NEK10: variants seen among roughly 807,000 people sequenced by gnomAD.
The protein encoded by NEK10 is serine/threonine-protein kinase Nek10.
Under a neutral mutation model 159.8 loss-of-function variants are expected in NEK10, and 122 were observed. The observed-to-expected ratio is 0.76, with a 90% CI of 0.66 to 0.89. NEK10 has a LOEUF of 0.89. NEK10 is among the 40% of genes least tolerant of loss of function. NEK10 has a pLI of 0.00. For missense variants in NEK10, 1,342 were observed against 1,323.1 expected, an observed-to-expected ratio of 1.01 and a Z score of -0.22; for synonymous variants, 466 against 457.1, an observed-to-expected ratio of 1.02 and a Z score of -0.25.
intron 35 of NEK10, 142 bp downstream of exon 35, chr3:27,115,798 G>A: frequency 1.5e-6 from 1 of 654,058 alleles, no homozygotes; most frequent in East Asian, 2.7e-5. Flanking sequence ...GATGTATCTA[G>A]TCTAAGCCAA....
At chr3:27,205,900 C>G (rs113295942) in intron 23 of NEK10, among the ~76,000 whole-genome samples, 81 of 150,352 alleles carry the variant, frequency 5.4e-4, no homozygotes, top group African/African-American at 1.9e-3. Flanking sequence ...GCAAAAGAAA[C>G]TACCATCAGA....
At chr3:27,317,160 G>A (rs1055450940) in intron 6 of NEK10, among the ~76,000 whole-genome samples, 2 of 152,212 alleles carry the variant, frequency 1.3e-5, no homozygotes, top group African/African-American at 4.8e-5. Context: ...CCCATGGAAA[G>A]TGGAGCAAGG....
intron 32 of NEK10, among the ~76,000 whole-genome samples, chr3:27,130,136 A>C (rs1267389511): frequency 6.6e-6 from 1 of 152,162 alleles, no homozygotes; most frequent in East Asian, 1.9e-4. Context: ...GCCTTTCCCT[A>C]CCTAAAGGTC....
At chr3:27,223,549 C>T (rs541498922) in intron 23 of NEK10, among the ~76,000 whole-genome samples, 37 of 152,294 alleles carry the variant, frequency 2.4e-4, no homozygotes, top group African/African-American at 8.4e-4. Flanking sequence ...AAAAGCATTG[C>T]GTTCCTCCTT....
At chr3:27,144,880 C>G (rs528373259) in intron 30 of NEK10, among the ~76,000 whole-genome samples, 1 of 152,204 alleles carries the variant, frequency 6.6e-6, no homozygotes, top group Admixed American at 6.5e-5. Context: ...CACCACCACA[C>G]TTGGCTAACT....
rs148276755 is a variant in NEK10 at position 27,235,816 on chromosome 3, T to C, written c.2090+20480A>G. The stretch of plus-strand genomic sequence containing the variant: ...ATTATAAAGAAACATGCATGCACTA[T>C]TCACTTGTTCATGCACATGTTCATT... On this transcript the variant is annotated intron_variant, in intron 23 of 35. Transcript: ENST00000691995. 4.5e-3 allele frequency among the ~76,000 whole-genome samples: 677 copies of C among 152,102 alleles called. 2 individuals carry two copies. The highest frequency in any genetic ancestry group is 0.015 in the African/African-American group (623 of 41,508).
chr3:27,312,243 A>G, intron 7 of NEK10, 66 bp from the exon 8 acceptor site: 1 of 837,310 alleles, frequency 1.2e-6, no homozygotes, highest in East Asian at 2.7e-5. Context: ...GCAAGGAACA[A>G]GATGCTGCAG....
At chr3:27,183,558 A>G (rs1351390287) in intron 26 of NEK10, among the ~76,000 whole-genome samples, 4 of 152,048 alleles carry the variant, frequency 2.6e-5, no homozygotes, top group Non-Finnish European at 4.4e-5. Context: ...AACACTGACC[A>G]CCACAAACAA....
chr3:27,276,832 C>G (rs763503620), intron 22 of NEK10, among the ~76,000 whole-genome samples: 11 of 152,186 alleles, frequency 7.2e-5, no homozygotes, highest in Non-Finnish European at 1.6e-4. Flanking sequence ...TCATGACTTT[C>G]CTGGACAAAA....
chr3:27,325,945 G>T (rs920518190), intron 5 of NEK10, among the ~76,000 whole-genome samples: 2 of 152,016 alleles, frequency 1.3e-5, no homozygotes, highest in Admixed American at 1.3e-4. Flanking sequence ...ACCCCTTTTT[G>T]CCAAGGGGAC....
At chr3:27,301,101 G>A (rs973771351) in intron 13 of NEK10, among the ~76,000 whole-genome samples, 1 of 152,128 alleles carries the variant, frequency 6.6e-6, no homozygotes, top group African/African-American at 2.4e-5. Flanking sequence ...ATAGCACTCA[G>A]ACCGCACTGT....
At chr3:27,140,555 T>C (rs1218436915) in intron 31 of NEK10, among the ~76,000 whole-genome samples, 1 of 152,182 alleles carries the variant, frequency 6.6e-6, no homozygotes, top group Non-Finnish European at 1.5e-5. Flanking sequence ...TGTTTTGGGA[T>C]GTTTTGGGTA....
At chr3:27,202,584 A>G (rs748781865) in intron 23 of NEK10, 27 bp from the exon 24 acceptor site, 2 of 1,551,134 alleles carry the variant, frequency 1.3e-6, no homozygotes, top group Non-Finnish European at 1.8e-6. Context: ...ACATTAATAC[A>G]TGCTAAGGAA....
chr3:27,361,012 A>T (rs2048645016), intron 1 of NEK10, among the ~76,000 whole-genome samples: 1 of 152,172 alleles, frequency 6.6e-6, no homozygotes, highest in Admixed American at 6.5e-5. Context: ...ATAGTTACTG[A>T]CCACCTGCTA....
intron 29 of NEK10, among the ~76,000 whole-genome samples, chr3:27,169,893 C>A (rs1946800129): frequency 3.3e-5 from 5 of 152,192 alleles, no homozygotes; most frequent in Admixed American, 3.3e-4. Context: ...CTGGCTCTCT[C>A]TCTCTCAGGA....
chr3:27,221,489 T>A (rs1474520668), intron 23 of NEK10, among the ~76,000 whole-genome samples: 1 of 152,236 alleles, frequency 6.6e-6, no homozygotes, highest in Non-Finnish European at 1.5e-5. Flanking sequence ...GATTGGAACC[T>A]TCACATATTC....
At chr3:27,219,679 G>A (rs1387989775) in intron 23 of NEK10, among the ~76,000 whole-genome samples, 1 of 152,156 alleles carries the variant, frequency 6.6e-6, no homozygotes, top group Non-Finnish European at 1.5e-5. Context: ...AGACAAGGAA[G>A]TCTGCTCTTA....
At chr3:27,224,534 G>A (rs949184789) in intron 23 of NEK10, among the ~76,000 whole-genome samples, 1 of 152,198 alleles carries the variant, frequency 6.6e-6, no homozygotes, top group African/African-American at 2.4e-5. Flanking sequence ...CTCTTCTAAT[G>A]CACAGAAGTC....
chr3:27,111,933 C>A (rs556044924), intron 35 of NEK10, among the ~76,000 whole-genome samples: 8 of 152,112 alleles, frequency 5.3e-5, no homozygotes, highest in Admixed American at 4.6e-4. Flanking sequence ...AAAAATAGAG[C>A]CTGCTTTGGG....
Sources: allele counts gnomAD v4.1 joint callset (sites outside exome capture counted in the v4.1 genomes callset), GRCh38; gene constraint gnomAD v4.1.1; transcripts MANE v1.5; gene names NCBI Gene and HGNC (gene_info 2026-07-23, HGNC 2026-07-21).